Variants in PTBP3 observed in about 807,000 individuals in gnomAD.
PTBP3 encodes polypyrimidine tract binding protein 3.
PTBP3 carries 20 observed loss-of-function variants against 58.7 expected under a neutral mutation model. The observed-to-expected ratio is 0.34, with a 90% confidence interval of 0.24 to 0.50. PTBP3 has a LOEUF of 0.50. Ranked by LOEUF, PTBP3 falls within the 20% of genes least tolerant of loss-of-function variation. The pLI is 0.98. For synonymous variants in PTBP3, 185 were observed against 219.8 expected (o/e 0.84, Z 1.40); for missense variants, 509 against 637.2 (o/e 0.80, Z 2.17).
At chr9:112,283,205 T>C (rs1827954353) in intron 2 of PTBP3, among the ~76,000 whole-genome samples, 1 of 152,208 alleles carries the variant, frequency 6.6e-6, no homozygotes, top group Non-Finnish European at 1.5e-5. Context: ...GATACTGCTA[T>C]AAAGATACCT....
chr9:112,233,272 GGTGTGTGTGTGTGTGT>G (rs72086685), intron 8 of PTBP3, among the ~76,000 whole-genome samples: 1,463 of 144,316 alleles, frequency 0.01, 22 homozygotes, highest in African/African-American at 0.034. Flanking sequence ...TACACTGTAG[GGTGTGTGTGTGTGTGT>G]GTGTGTGTGT....
At chr9:112,224,409 C>G (rs1445799540) in intron 12 of PTBP3, among the ~76,000 whole-genome samples, 199 bp from the exon 13 acceptor site, 1 of 152,218 alleles carries the variant, frequency 6.6e-6, no homozygotes, top group Non-Finnish European at 1.5e-5. Context: ...TGTCTCAATC[C>G]TTGCAGAAGA....
At chr9:112,372,384 T>C in the PTBP3 span, among the ~76,000 whole-genome samples, 1 of 152,192 alleles carries the variant, frequency 6.6e-6, no homozygotes, top group Non-Finnish European at 1.5e-5. Flanking sequence ...TGGTTTTCCA[T>C]AAATTTTTTT....
chr9:112,226,968 C>A (rs1471052302), intron 12 of PTBP3, among the ~76,000 whole-genome samples: 1 of 152,120 alleles, frequency 6.6e-6, no homozygotes, highest in Non-Finnish European at 1.5e-5. Context: ...TAACGTTTAG[C>A]TTTTAAGTAA....
rs1338912154 is a variant in PTBP3, at chr9:112,320,309, TA to T, written c.-52+13160del. Reference sequence around the variant, plus strand: ...AAAAAAAAATATATATATATATATATATATATTTTTTTTTAAGTGTTATCAC... The same window carrying T: ...AAAAAAAAATATATATATATATATATTATATTTTTTTTTAAGTGTTATCAC... On this transcript the variant is annotated intron_variant, in intron 1 of 13. Coordinates refer to ENST00000374257, the MANE Select transcript of PTBP3 (RefSeq NM_001163788.4). Among the ~76,000 whole-genome samples, 49 of 51,602 alleles carry T rather than the reference TA, an allele frequency of 9.5e-4. 1 individual carries two copies. Among genetic ancestry groups the T allele is most frequent in the South Asian group, 3.6e-3 (4 of 1,102 alleles). 33.9% of individuals were successfully genotyped at this position (51,602 alleles called of 152,430 possible). A position where few individuals can be genotyped will look rare whatever the true frequency, so the allele number is the denominator to read the frequency against.
At chr9:112,337,945 G>T (rs1190891177), upstream of PTBP3, among the ~76,000 whole-genome samples, 1 of 152,208 alleles carries the variant, frequency 6.6e-6, no homozygotes, top group East Asian at 1.9e-4. Flanking sequence ...AATCTAGGAA[G>T]CTGGACATTT....
chr9:112,325,870 T>C (rs548886164), intron 1 of PTBP3, among the ~76,000 whole-genome samples: 5 of 151,998 alleles, frequency 3.3e-5, no homozygotes, highest in African/African-American at 1.2e-4. Context: ...ACACAAAAAT[T>C]AGCCCGGAGC....
At chr9:112,319,262 G>C (rs1454962208) in intron 1 of PTBP3, among the ~76,000 whole-genome samples, 5 of 151,908 alleles carry the variant, frequency 3.3e-5, no homozygotes, top group Non-Finnish European at 2.9e-5. Context: ...ACACAGCCAG[G>C]AGCAGTAGCC....
the PTBP3 span, among the ~76,000 whole-genome samples, chr9:112,358,538 C>G: frequency 6.6e-6 from 1 of 152,054 alleles, no homozygotes; most frequent in South Asian, 2.1e-4. Flanking sequence ...GCAAACAGTC[C>G]CAGTTCTAGA....
At chr9:112,277,882 GTAACATAACA>G (rs57476799) in intron 2 of PTBP3, among the ~76,000 whole-genome samples, 14,142 of 129,930 alleles carry the variant, frequency 0.11, 978 homozygotes, top group Non-Finnish European at 0.13. Context: ...TCAAAATAAC[GTAACATAACA>G]TAACATAACA....
At chr9:112,291,761 A>G (rs190445874) in intron 2 of PTBP3, among the ~76,000 whole-genome samples, 9 of 152,348 alleles carry the variant, frequency 5.9e-5, no homozygotes, top group Admixed American at 5.9e-4. Flanking sequence ...GAAACTATAA[A>G]AGACCTATAA....
At chr9:112,248,493 G>T (rs2132063213) in intron 7 of PTBP3, among the ~76,000 whole-genome samples, 1 of 152,152 alleles carries the variant, frequency 6.6e-6, no homozygotes, top group South Asian at 2.1e-4. Flanking sequence ...ACTTATTCGT[G>T]TAATAAATAA....
At chr9:112,315,123 C>A (rs1004736317) in intron 1 of PTBP3, among the ~76,000 whole-genome samples, 2 of 151,916 alleles carry the variant, frequency 1.3e-5, no homozygotes, top group South Asian at 2.1e-4. Context: ...GAGCCACCGC[C>A]CCCGGCCCCC....
rs1466667602 is a variant in PTBP3 at position 112,221,094 on chromosome 9, C to T, written c.*2757G>A. On this transcript the variant is annotated 3_prime_UTR_variant, in exon 14 of 14. Transcript: ENST00000374257. ...GCTTAATATGGACAACATCCATGTG[C>T]TACAGCTAATTTTAGACACAAACTG... 10 of 985,218 alleles carry T rather than the reference C, an allele frequency of 1.0e-5. No homozygotes were observed. Among genetic ancestry groups the T allele is most frequent in the Non-Finnish European group, 1.2e-5 (10 of 829,808 alleles). 61.0% of individuals were successfully genotyped at this position (985,218 alleles called of 1,614,324 possible).
intron 1 of PTBP3, among the ~76,000 whole-genome samples, chr9:112,306,604 A>ATATT (rs1341386115): frequency 0.013 from 1,341 of 103,828 alleles, 11 homozygotes; most frequent in Non-Finnish European, 0.013. Context: ...ATATATATAT[A>ATATT]TTTTTGTTTG....
rs202220759 is a variant in PTBP3, at chr9:112,290,709, C to T, written c.34+7123G>A. On this transcript the variant is annotated intron_variant, in intron 2 of 13. Transcript: ENST00000374257. ...AAAAATATATATATATATATATATA[C>T]ACACACACACACACACACACACACA... is the stretch of plus-strand genomic sequence containing the variant. 4.8e-3 allele frequency among the ~76,000 whole-genome samples: 627 copies of T among 131,512 alleles called. 27 individuals carry two copies. In the East Asian group the frequency reaches 0.12, roughly 25 times the overall value. The allele number at this position is 131,512 out of a possible 152,430, so 86.3% of individuals were successfully genotyped here.
At chr9:112,367,439 GT>G in the PTBP3 span, among the ~76,000 whole-genome samples, 1 of 151,904 alleles carries the variant, frequency 6.6e-6, no homozygotes, top group Non-Finnish European at 1.5e-5. Flanking sequence ...TGTGTTTTGG[GT>G]TTTTTTGTTT....
At chr9:112,279,654 C>G (rs1396288406) in intron 2 of PTBP3, among the ~76,000 whole-genome samples, 1 of 151,936 alleles carries the variant, frequency 6.6e-6, no homozygotes, top group African/African-American at 2.4e-5. Context: ...ACCCCCAACC[C>G]CCACCCCAGG....
chr9:112,225,911 G>A (rs1233293602), intron 12 of PTBP3, among the ~76,000 whole-genome samples: 1 of 152,088 alleles, frequency 6.6e-6, no homozygotes, highest in Non-Finnish European at 1.5e-5. Flanking sequence ...AGCTGGGCAT[G>A]CCGACACCTG....
Sources: gnomAD v4.1 joint callset for allele counts (sites outside exome capture counted in the v4.1 genomes callset) on GRCh38, gnomAD v4.1.1 for gene constraint, MANE v1.5 for transcripts, NCBI Gene and HGNC (gene_info 2026-07-23, HGNC 2026-07-21) for gene names.